Variants in SMYD1 observed in about 807,000 individuals in gnomAD.
SMYD1 encodes SET and MYND domain containing 1, also known as histone-lysine N-methyltransferase SMYD1.
A neutral mutation model predicts 54.0 loss-of-function variants in SMYD1; 49 were observed. That is an observed-to-expected ratio of 0.91 (90% CI 0.72 to 1.15). The LOEUF (loss-of-function observed/expected upper bound fraction) is 1.15, where lower values mean the gene tolerates loss of function less well. Among genes scored for constraint, SMYD1 ranks in the 50% most tolerant of loss-of-function variants. SMYD1 has a pLI of 0.00. For synonymous variants in SMYD1, 269 were observed against 234.2 expected, an observed-to-expected ratio of 1.15 and a Z score of -1.36; for missense variants, 653 against 639.6, an observed-to-expected ratio of 1.02 and a Z score of -0.23.
chr2:88,099,333 G>A (rs1017084337), intron 6 of SMYD1, among the ~76,000 whole-genome samples: 6 of 151,014 alleles, frequency 4.0e-5, no homozygotes, highest in African/African-American at 7.3e-5. Flanking sequence ...TGATCCGCCC[G>A]CCTCAGCCTC....
chr2:88,108,950 G>A (rs1366003254), intron 9 of SMYD1, among the ~76,000 whole-genome samples: 1 of 152,176 alleles, frequency 6.6e-6, no homozygotes, highest in African/African-American at 2.4e-5. Flanking sequence ...TGTGAACTCA[G>A]AGCGACAACT....
chr2:88,095,089 G>A (rs757296108), intron 5 of SMYD1, among the ~76,000 whole-genome samples: 1 of 152,146 alleles, frequency 6.6e-6, no homozygotes, highest in African/African-American at 2.4e-5. Flanking sequence ...GCTCTGTCCC[G>A]AAAGTGTTGT....
chr2:88,092,823 G>A (rs932054965), intron 4 of SMYD1, among the ~76,000 whole-genome samples: 2 of 152,226 alleles, frequency 1.3e-5, no homozygotes, highest in African/African-American at 2.4e-5. Flanking sequence ...CCTCTTCTAA[G>A]TGGTGGTGAC....
intron 1 of SMYD1, 100 bp downstream of exon 1, chr2:88,068,101 T>G: frequency 6.9e-7 from 1 of 1,447,004 alleles, no homozygotes; most frequent in Non-Finnish European, 9.2e-7. Flanking sequence ...GGGATAAAAT[T>G]CATGTGCTCT....
chr2:88,071,732 G>A (rs1164680467), intron 1 of SMYD1, among the ~76,000 whole-genome samples: 1 of 152,114 alleles, frequency 6.6e-6, no homozygotes, highest in Non-Finnish European at 1.5e-5. Context: ...CGTTACCAAG[G>A]GGTTGCCTTT....
At chr2:88,095,548 A>G (rs1266085304) in intron 5 of SMYD1, among the ~76,000 whole-genome samples, 1 of 152,154 alleles carries the variant, frequency 6.6e-6, no homozygotes, top group African/African-American at 2.4e-5. Flanking sequence ...ATGCTGTCCA[A>G]CTGAGCCTTT....
At chr2:88,077,150 T>C (rs927618276) in intron 1 of SMYD1, among the ~76,000 whole-genome samples, 4 of 152,354 alleles carry the variant, frequency 2.6e-5, no homozygotes, top group African/African-American at 9.6e-5. Context: ...TTTGGAGGGC[T>C]TGCCCACCAT....
chr2:88,072,319 T>G (rs1266118347), intron 1 of SMYD1, among the ~76,000 whole-genome samples: 1 of 152,062 alleles, frequency 6.6e-6, no homozygotes, highest in Non-Finnish European at 1.5e-5. Flanking sequence ...CCCAGCTAAT[T>G]TTTGTATTTT....
intron 1 of SMYD1, among the ~76,000 whole-genome samples, chr2:88,069,170 G>A (rs564422790): frequency 9.9e-5 from 15 of 152,276 alleles, no homozygotes; most frequent in Non-Finnish European, 1.6e-4. Flanking sequence ...TGAGATCAAG[G>A]TTGGGGTGAC....
intron 3 of SMYD1, among the ~76,000 whole-genome samples, chr2:88,089,537 G>A (rs1397077075): frequency 6.6e-6 from 1 of 151,026 alleles, no homozygotes; most frequent in Non-Finnish European, 1.5e-5. Context: ...TTGTGCCCAG[G>A]GAAAGTCTAG....
chr2:88,108,225 T>C (rs1674927060), intron 8 of SMYD1, 146 bp from the exon 9 acceptor site: 1 of 689,264 alleles, frequency 1.5e-6, no homozygotes, highest in Non-Finnish European at 2.1e-6. Flanking sequence ...TGTGCCTCAG[T>C]TCCCCCTTGG....
chr2:88,073,953 C>T (rs1269810891), intron 1 of SMYD1, among the ~76,000 whole-genome samples: 1 of 152,172 alleles, frequency 6.6e-6, no homozygotes, highest in African/African-American at 2.4e-5. Flanking sequence ...TAGTTCTCCC[C>T]TCTATTACCT....
intron 7 of SMYD1, among the ~76,000 whole-genome samples, chr2:88,103,702 T>C (rs2104011665): frequency 1.3e-5 from 2 of 152,244 alleles, no homozygotes; most frequent in South Asian, 4.1e-4. Context: ...TTTAAAGCTC[T>C]TGGGTGATTT....
chr2:88,091,431 TA>T (rs1674459696), intron 4 of SMYD1, among the ~76,000 whole-genome samples: 1 of 152,184 alleles, frequency 6.6e-6, no homozygotes, highest in African/African-American at 2.4e-5. Context: ...AGCCTAGGAT[TA>T]TCTGTCTAGA....
chr2:88,093,475 A>G, intron 4 of SMYD1, 42 bp from the exon 5 acceptor site: 11 of 1,613,012 alleles, frequency 6.8e-6, no homozygotes, highest in African/African-American at 1.3e-5. Flanking sequence ...CTGATCAGCC[A>G]ATGATAATGA....
At chr2:88,101,697 C>T (rs1674723981) in intron 6 of SMYD1, among the ~76,000 whole-genome samples, 1 of 150,406 alleles carries the variant, frequency 6.6e-6, no homozygotes, top group Non-Finnish European at 1.5e-5. Context: ...CCTCCGCTTC[C>T]CAGGTTCAAG....
At chr2:88,085,276 G>A (rs1352241758) in intron 2 of SMYD1, among the ~76,000 whole-genome samples, 1 of 152,184 alleles carries the variant, frequency 6.6e-6, no homozygotes, top group Non-Finnish European at 1.5e-5. Flanking sequence ...TTACACCAGA[G>A]AGTGCATTTG....
At chr2:88,080,374 A>G (rs1674161521) in intron 1 of SMYD1, among the ~76,000 whole-genome samples, 2 of 152,300 alleles carry the variant, frequency 1.3e-5, no homozygotes, top group Admixed American at 6.5e-5. Context: ...TAGTGTATAC[A>G]TGAAATATGA....
Position 88,088,012 on chromosome 2 carries a change from G to T in SMYD1, c.465G>T (p.Leu155Phe), listed in dbSNP as rs774088715. 2 of 1,614,202 alleles carry T rather than the reference G, an allele frequency of 1.2e-6. No individual in the cohort carries two copies. Among genetic ancestry groups the T allele is most frequent in the Non-Finnish European group, 1.7e-6 (2 of 1,180,026 alleles). The change falls in exon 3 of 10, where the codon TTG becomes TTT. Residue 155 changes from leucine (L) to phenylalanine (F), a missense_variant. Coordinates refer to ENST00000419482, the MANE Select transcript of SMYD1 (RefSeq NM_198274.4). ...KDLRVDVDTF[L>F]QYWPPQSQQF... ...TGCGGGTGGACGTGGACACATTCTTGCAGTACTGGCCGCCGCAGAGCCAGC... is the reference window on the plus strand; with the variant it reads ...TGCGGGTGGACGTGGACACATTCTTTCAGTACTGGCCGCCGCAGAGCCAGC...
Sources: allele counts gnomAD v4.1 joint callset (sites outside exome capture counted in the v4.1 genomes callset), GRCh38; gene constraint gnomAD v4.1.1; transcripts MANE v1.5; gene names NCBI Gene and HGNC (gene_info 2026-07-23, HGNC 2026-07-21).